CASK: variants seen among roughly 807,000 people sequenced by gnomAD.
CASK encodes the protein calcium/calmodulin dependent serine protein kinase.
Under a neutral mutation model 82.9 loss-of-function variants are expected in CASK, and 4 were observed. The ratio of observed to expected loss-of-function variants is 0.05; its 90% CI spans 0.02 to 0.11. The LOEUF (loss-of-function observed/expected upper bound fraction) is 0.11. Among genes scored for constraint, CASK ranks in the 10% least tolerant of loss-of-function variants. CASK has a pLI of 1.00. For missense variants in CASK, 358 were observed against 720.9 expected (o/e 0.50, Z 5.76); for synonymous variants, 259 against 253.5 (o/e 1.02, Z -0.20).
chrX:41,783,560 A>C (rs1301833708), intron 3 of CASK, among the ~76,000 whole-genome samples: 1 of 110,872 alleles, frequency 9.0e-6, no homozygotes, highest in Non-Finnish European at 1.9e-5. Flanking sequence ...AAAAAAAAAA[A>C]AAAACAAAAG....
intron 1 of CASK, among the ~76,000 whole-genome samples, chrX:41,859,081 A>G: frequency 8.9e-6 from 1 of 111,990 alleles, no homozygotes; most frequent in East Asian, 2.8e-4. Context: ...AGAGGTCTAT[A>G]AACAAAAACA....
intron 15 of CASK, among the ~76,000 whole-genome samples, chrX:41,571,202 T>G (rs1364224333): frequency 9.0e-6 from 1 of 111,181 alleles, no homozygotes; most frequent in Non-Finnish European, 1.9e-5. Context: ...AAAAATTCCT[T>G]TTTTTTCAAT....
intron 2 of CASK, among the ~76,000 whole-genome samples, chrX:41,801,206 T>C (rs1374864603): frequency 2.7e-5 from 3 of 111,962 alleles, no homozygotes; most frequent in Non-Finnish European, 3.8e-5. Flanking sequence ...TTATAAATAC[T>C]CTCAGCTGGT....
At position 41,668,348 on chromosome X, in the gene CASK, A is replaced by AAAAGGC. The variant is rs200068344; in HGVS notation, c.533-2902_533-2897dup. On this transcript the variant is annotated intron_variant, in intron 6 of 26. Coordinates refer to ENST00000378163, the MANE Select transcript of CASK (RefSeq NM_001367721.1). ...GAGTTAACCAGATAGATAAAATAACAAAAGGCACTCCAACTAGAAGGAATA... is the reference window on the plus strand; with the variant it reads ...GAGTTAACCAGATAGATAAAATAACAAAAGGCAAAGGCACTCCAACTAGAAGGAATA... Among the ~76,000 whole-genome samples, 792 of 112,217 alleles carry AAAAGGC rather than the reference A, an allele frequency of 7.1e-3. 14 individuals carry two copies. The highest frequency in any genetic ancestry group is 0.05 in the East Asian group (178 of 3,551).
At chrX:41,848,694 TAA>T (rs946101914) in intron 2 of CASK, among the ~76,000 whole-genome samples, 2 of 111,795 alleles carry the variant, frequency 1.8e-5, no homozygotes, top group African/African-American at 6.5e-5. Flanking sequence ...ACCAGACAAG[TAA>T]AAAAATGACA....
At chrX:41,917,413 T>C (rs780510532) in intron 1 of CASK, among the ~76,000 whole-genome samples, 2 of 112,605 alleles carry the variant, frequency 1.8e-5, no homozygotes, top group Non-Finnish European at 3.7e-5. Context: ...GCAGTGCTCC[T>C]ACCACATTTA....
At chrX:41,854,203 T>C (rs1209516927) in intron 1 of CASK, among the ~76,000 whole-genome samples, 2 of 77,642 alleles carry the variant, frequency 2.6e-5, no homozygotes, top group Admixed American at 1.4e-4. Flanking sequence ...CCAGGGAACA[T>C]GCGCGCGCGC....
chrX:41,586,071 A>G (rs2065654867), intron 14 of CASK: 1 of 109,683 alleles, frequency 9.1e-6, no homozygotes, highest in African/African-American at 3.3e-5. Flanking sequence ...AATTGCTTGA[A>G]CCTGGAAGGC....
intron 1 of CASK, 26 bp from the exon 2 acceptor site, chrX:41,853,253 T>C: frequency 1.1e-6 from 1 of 920,771 alleles, no homozygotes; most frequent in Non-Finnish European, 1.6e-6. Context: ...TCAATTTTAA[T>C]TCATTGATTC....
intron 1 of CASK, among the ~76,000 whole-genome samples, chrX:41,921,167 G>T (rs181498193): frequency 8.9e-6 from 1 of 112,028 alleles, no homozygotes; most frequent in East Asian, 2.8e-4. Flanking sequence ...ACTTGATTCG[G>T]TTATTGGAAA....
intron 22 of CASK, among the ~76,000 whole-genome samples, chrX:41,538,681 CTTCTT>C (rs1336234836): frequency 3.6e-5 from 4 of 112,316 alleles, no homozygotes; most frequent in African/African-American, 1.3e-4. Flanking sequence ...ATTCCAGACA[CTTCTT>C]TTAAGTATTT....
chrX:41,589,960 G>A (rs989626207), intron 12 of CASK: 3 of 166,213 alleles, frequency 1.8e-5, no homozygotes, highest in East Asian at 1.6e-4. Context: ...GCCAAGGCAC[G>A]TCTACACGGA....
At chrX:41,636,971 T>C (rs1388941164) in intron 8 of CASK, among the ~76,000 whole-genome samples, 1 of 111,641 alleles carries the variant, frequency 9.0e-6, no homozygotes, top group Non-Finnish European at 1.9e-5. Flanking sequence ...TTACTTTTTT[T>C]TTTTTGAGAC....
intron 2 of CASK, among the ~76,000 whole-genome samples, chrX:41,819,058 T>C (rs1229434610): frequency 9.0e-6 from 1 of 111,694 alleles, no homozygotes; most frequent in African/African-American, 3.2e-5. Context: ...AAAACAGTGA[T>C]AGAAATTACC....
intron 5 of CASK, among the ~76,000 whole-genome samples, chrX:41,707,866 T>A (rs779765046): frequency 4.5e-5 from 5 of 111,617 alleles, no homozygotes; most frequent in Non-Finnish European, 9.4e-5. Context: ...TTATAAGCTA[T>A]CTCTTCACTT....
At chrX:41,787,775 C>T (rs777462182) in intron 2 of CASK, among the ~76,000 whole-genome samples, 45 of 111,195 alleles carry the variant, frequency 4.0e-4, no homozygotes, top group African/African-American at 1.1e-3. Flanking sequence ...GGAAGTTATA[C>T]GGAATAGGGA....
At position 41,829,734 on chromosome X, in the gene CASK, T is replaced by TACAC. The variant is rs1265245044; in HGVS notation, c.172+23380_172+23381insGTGT. Among the ~76,000 whole-genome samples, 13 of 29,675 alleles carry TACAC rather than the reference T, an allele frequency of 4.4e-4. 1 individual carries two copies. Among genetic ancestry groups the TACAC allele is most frequent in the Admixed American group, 4.3e-4 (1 of 2,339 alleles). 25.8% of individuals were successfully genotyped at this position (29,675 alleles called of 115,157 possible). ...ATATATATATATATATATATATATA[T>TACAC]ATATATATATATATATATATATGTC... is the stretch of plus-strand genomic sequence containing the variant. On this transcript the variant is annotated intron_variant, in intron 2 of 26. Coordinates refer to ENST00000378163, the MANE Select transcript of CASK (RefSeq NM_001367721.1).
chrX:41,696,067 T>C, intron 5 of CASK: 1 of 1,207,373 alleles, frequency 8.3e-7, no homozygotes, highest in Non-Finnish European at 1.1e-6. Context: ...ATTATTTTGC[T>C]TGGATTCATC....
chrX:41,654,452 C>T (rs1032284811), intron 8 of CASK, among the ~76,000 whole-genome samples: 7 of 110,638 alleles, frequency 6.3e-5, no homozygotes, highest in African/African-American at 2.3e-4. Flanking sequence ...GGGTGGATCA[C>T]CTGAGCTCAG....
Sources: allele counts gnomAD v4.1 joint callset (sites outside exome capture counted in the v4.1 genomes callset), GRCh38; gene constraint gnomAD v4.1.1; transcripts MANE v1.5; gene names NCBI Gene and HGNC (gene_info 2026-07-23, HGNC 2026-07-21).